Variants in GRM7 observed in about 807,000 individuals in gnomAD.
The protein encoded by GRM7 is glutamate metabotropic receptor 7.
Under a neutral mutation model 84.5 loss-of-function variants are expected in GRM7, and 35 were observed. The observed-to-expected ratio is 0.41, with a 90% confidence interval of 0.32 to 0.55. GRM7 has a LOEUF of 0.55. GRM7 is among the 20% of genes least tolerant of loss of function. GRM7 has a pLI of 0.19. For missense variants in GRM7, 1,003 were observed against 1,194.6 expected (o/e 0.84, Z 2.36); for synonymous variants, 487 against 455.1 (o/e 1.07, Z -0.89).
intron 1 of GRM7, among the ~76,000 whole-genome samples, chr3:7,010,215 C>A (rs1695324466): frequency 6.6e-6 from 1 of 152,154 alleles, no homozygotes; most frequent in African/African-American, 2.4e-5. Flanking sequence ...GTTTGGGAGG[C>A]CAAGGCAGGC....
chr3:7,595,410 T>A (rs1695989732), intron 8 of GRM7, among the ~76,000 whole-genome samples: 1 of 152,202 alleles, frequency 6.6e-6, no homozygotes, highest in Non-Finnish European at 1.5e-5. Context: ...GATACTTTCC[T>A]CTTTCTTGTT....
At chr3:7,456,695 C>CT (rs35400642) in intron 6 of GRM7, among the ~76,000 whole-genome samples, 18,022 of 148,046 alleles carry the variant, frequency 0.12, 1,119 homozygotes, top group South Asian at 0.28. Context: ...TTCTCTCTCT[C>CT]TTTTTTTTTT....
intron 1 of GRM7, among the ~76,000 whole-genome samples, chr3:7,143,744 A>G (rs1450362527): frequency 6.6e-6 from 1 of 152,182 alleles, no homozygotes; most frequent in Admixed American, 6.6e-5. Flanking sequence ...CACCCTTTCA[A>G]AGGTACAGAG....
At chr3:7,023,995 G>T (rs890117315) in intron 1 of GRM7, among the ~76,000 whole-genome samples, 3 of 152,142 alleles carry the variant, frequency 2.0e-5, no homozygotes, top group African/African-American at 7.2e-5. Flanking sequence ...CTCCAGGCAG[G>T]CTCTGAAATC....
intron 9 of GRM7, among the ~76,000 whole-genome samples, chr3:7,709,639 C>A (rs192517109): frequency 1.6e-4 from 25 of 152,250 alleles, no homozygotes; most frequent in Admixed American, 1.2e-3. Context: ...CAGTAGGACT[C>A]ATTTGAGTAA....
chr3:7,020,639 G>A (rs548276382), intron 1 of GRM7, among the ~76,000 whole-genome samples: 17 of 152,238 alleles, frequency 1.1e-4, no homozygotes, highest in Admixed American at 9.2e-4. Context: ...GAATGTAATT[G>A]CAAAATCTAT....
In GRM7 at chr3:7,496,033, A is replaced by G. The variant is rs531512118; in HGVS notation, c.1515+34311A>G. 2.8e-4 allele frequency among the ~76,000 whole-genome samples: 42 copies of G among 152,320 alleles called. 1 individual carries two copies. Among genetic ancestry groups the G allele is most frequent in the Non-Finnish European group, 5.3e-4 (36 of 68,028 alleles). On this transcript the variant is annotated intron_variant, in intron 7 of 9. Coordinates refer to ENST00000357716, the MANE Select transcript of GRM7 (RefSeq NM_000844.4). ...TTTTTCCTCTATCAAGTGATGCCCA[A>G]TATTTTATCCATGAAACTCATCCTG...
chr3:7,679,788 A>C (rs1484565781), intron 8 of GRM7, among the ~76,000 whole-genome samples: 6 of 152,216 alleles, frequency 3.9e-5, no homozygotes, highest in Non-Finnish European at 8.8e-5. Flanking sequence ...ATATGATTAA[A>C]GGTTTACTCT....
At chr3:7,470,686 A>G (rs901886360) in intron 7 of GRM7, among the ~76,000 whole-genome samples, 8 of 152,206 alleles carry the variant, frequency 5.3e-5, no homozygotes, top group African/African-American at 1.9e-4. Flanking sequence ...GAATGCCATT[A>G]CTATCTGCAT....
chr3:7,521,445 A>T (rs986278676), intron 7 of GRM7, among the ~76,000 whole-genome samples: 11 of 152,222 alleles, frequency 7.2e-5, no homozygotes, highest in African/African-American at 2.7e-4. Context: ...TAGAAAAGAG[A>T]TGCAAGGAAG....
chr3:7,208,274 C>T (rs2124837757), intron 2 of GRM7, among the ~76,000 whole-genome samples: 1 of 151,476 alleles, frequency 6.6e-6, no homozygotes, highest in Middle Eastern at 3.4e-3. Flanking sequence ...TGGACCTGGC[C>T]TTCACTGACC....
chr3:7,022,722 C>T (rs950354339), intron 1 of GRM7, among the ~76,000 whole-genome samples: 1 of 151,822 alleles, frequency 6.6e-6, no homozygotes, highest in Non-Finnish European at 1.5e-5. Context: ...GTGTCTTGAG[C>T]CCTTGAGGGT....
At chr3:7,235,891 T>G (rs1697332371) in intron 2 of GRM7, among the ~76,000 whole-genome samples, 1 of 152,222 alleles carries the variant, frequency 6.6e-6, no homozygotes, top group African/African-American at 2.4e-5. Flanking sequence ...GCAAAGGTAC[T>G]GTCTTAGTTT....
chr3:7,081,719 T>A (rs1698281659), intron 1 of GRM7, among the ~76,000 whole-genome samples: 1 of 152,150 alleles, frequency 6.6e-6, no homozygotes, highest in African/African-American at 2.4e-5. Flanking sequence ...AAGGAAAAGT[T>A]ATTGAAGGAA....
At chr3:7,341,312 TTG>T (rs150896225) in intron 4 of GRM7, among the ~76,000 whole-genome samples, 2,135 of 152,088 alleles carry the variant, frequency 0.014, 50 homozygotes, top group African/African-American at 0.047. Context: ...TTAAAGGAGA[TTG>T]TGTGTGTGTG....
At chr3:7,479,063 G>A (rs533754017) in intron 7 of GRM7, among the ~76,000 whole-genome samples, 1 of 152,044 alleles carries the variant, frequency 6.6e-6, no homozygotes, top group African/African-American at 2.4e-5. Flanking sequence ...ATGTAAAGTG[G>A]GGACATTTAT....
chr3:7,132,103 C>T (rs981143979), intron 1 of GRM7, among the ~76,000 whole-genome samples: 4 of 152,316 alleles, frequency 2.6e-5, no homozygotes, highest in Middle Eastern at 3.4e-3. Flanking sequence ...CTTGCTCATA[C>T]GTTTCCTAAA....
At chr3:7,249,937 C>T (rs561042403) in intron 2 of GRM7, among the ~76,000 whole-genome samples, 8 of 152,118 alleles carry the variant, frequency 5.3e-5, no homozygotes, top group South Asian at 2.1e-4. Flanking sequence ...CCAGGAAGGA[C>T]GAAATGGGAA....
chr3:7,442,922 T>C (rs112502140), intron 5 of GRM7, among the ~76,000 whole-genome samples: 2 of 152,212 alleles, frequency 1.3e-5, no homozygotes, highest in African/African-American at 4.8e-5. Flanking sequence ...ATGGTAGATA[T>C]CCTTAGATGC....
Sources: allele counts gnomAD v4.1 joint callset (sites outside exome capture counted in the v4.1 genomes callset), GRCh38; gene constraint gnomAD v4.1.1; transcripts MANE v1.5; gene names NCBI Gene and HGNC (gene_info 2026-07-23, HGNC 2026-07-21).